Variants in PVT1 observed in about 807,000 individuals in gnomAD.
PVT1 encodes Pvt1 oncogene.
chr8:127,901,464 A>T (rs1455850633), intron 3 of PVT1, among the ~76,000 whole-genome samples: 1 of 152,206 alleles, frequency 6.6e-6, no homozygotes, highest in Non-Finnish European at 1.5e-5. Context: ...CCAGAAGGAC[A>T]CTTCAGGGCA....
chr8:127,893,244 G>A (rs570418140), intron 3 of PVT1, among the ~76,000 whole-genome samples: 1 of 152,242 alleles, frequency 6.6e-6, no homozygotes, highest in East Asian at 1.9e-4. Flanking sequence ...CCATTATGAT[G>A]ATTATCTGTT....
At chr8:128,015,091 A>ATTAT (rs1554604352) in intron 4 of PVT1, among the ~76,000 whole-genome samples, 23 of 139,212 alleles carry the variant, frequency 1.7e-4, no homozygotes, top group African/African-American at 3.9e-4. Context: ...TTATTTATTT[A>ATTAT]TTATTTATTT....
intron 4 of PVT1, among the ~76,000 whole-genome samples, chr8:127,990,660 T>G (rs1817022109): frequency 6.6e-6 from 1 of 152,234 alleles, no homozygotes. Flanking sequence ...GAACTGTACT[T>G]CTGTTGTGCT....
At chr8:127,912,833 A>T (rs1563637340) in intron 3 of PVT1, among the ~76,000 whole-genome samples, 1 of 152,056 alleles carries the variant, frequency 6.6e-6, no homozygotes, top group Non-Finnish European at 1.5e-5. Flanking sequence ...AGTAGCTGGG[A>T]TTACAGACAC....
chr8:127,899,023 T>C (rs909366458), intron 3 of PVT1, among the ~76,000 whole-genome samples: 1 of 151,962 alleles, frequency 6.6e-6, no homozygotes, highest in African/African-American at 2.4e-5. Flanking sequence ...TGGGACTGGG[T>C]TCAGTGGGAG....
At chr8:128,048,019 C>G (rs1382360805) in intron 4 of PVT1, among the ~76,000 whole-genome samples, 1 of 152,216 alleles carries the variant, frequency 6.6e-6, no homozygotes. Flanking sequence ...GCCTAGAACA[C>G]TGTGTGGAGT....
intron 3 of PVT1, among the ~76,000 whole-genome samples, chr8:127,986,156 C>T (rs945535847): frequency 4.6e-5 from 7 of 152,206 alleles, no homozygotes; most frequent in Admixed American, 2.6e-4. Context: ...GAAGACAATA[C>T]GGCCCTGCCT....
At chr8:127,861,165 A>G (rs1164099026) in intron 2 of PVT1, among the ~76,000 whole-genome samples, 1 of 151,362 alleles carries the variant, frequency 6.6e-6, no homozygotes, top group Non-Finnish European at 1.5e-5. Flanking sequence ...CCACCCAGCC[A>G]CCCTTTCATC....
intron 3 of PVT1, among the ~76,000 whole-genome samples, chr8:127,962,201 G>A (rs1263553895): frequency 2.0e-5 from 3 of 151,684 alleles, no homozygotes; most frequent in East Asian, 1.9e-4. Flanking sequence ...TCTTGATCTC[G>A]TGATCCACCT....
chr8:127,844,842 T>A (rs1418139932), intron 2 of PVT1, among the ~76,000 whole-genome samples: 1 of 152,014 alleles, frequency 6.6e-6, no homozygotes, highest in African/African-American at 2.4e-5. Flanking sequence ...GCCTCCCGAG[T>A]AGCTGGAACT....
chr8:127,956,645 C>T (rs1220296423), intron 3 of PVT1, among the ~76,000 whole-genome samples: 3 of 152,210 alleles, frequency 2.0e-5, no homozygotes, highest in Non-Finnish European at 4.4e-5. Context: ...CCACCACGCC[C>T]AGCTAACTTT....
intron 2 of PVT1, among the ~76,000 whole-genome samples, chr8:127,805,337 T>C (rs1353652289): frequency 6.6e-6 from 1 of 152,128 alleles, no homozygotes. Context: ...CCTGTTTATA[T>C]AGATTATGTT....
chr8:127,836,837 C>G (rs1483120900), intron 2 of PVT1, among the ~76,000 whole-genome samples: 1 of 152,150 alleles, frequency 6.6e-6, no homozygotes, highest in African/African-American at 2.4e-5. Flanking sequence ...AGAGTCCACA[C>G]GCTTGGCGCC....
At chr8:128,020,647 G>C (rs931398294) in intron 4 of PVT1, among the ~76,000 whole-genome samples, 7 of 152,222 alleles carry the variant, frequency 4.6e-5, no homozygotes, top group Non-Finnish European at 7.3e-5. Flanking sequence ...CTGTCACCTT[G>C]AATTCAGCTT....
intron 4 of PVT1, among the ~76,000 whole-genome samples, chr8:127,995,927 T>C (rs191324380): frequency 1.1e-4 from 17 of 152,096 alleles, no homozygotes; most frequent in Non-Finnish European, 8.8e-5. Context: ...AACTTAAGGC[T>C]AATGTTTAGA....
At chr8:128,060,985 C>T (rs1295138642) in intron 4 of PVT1, among the ~76,000 whole-genome samples, 1 of 150,138 alleles carries the variant, frequency 6.7e-6, no homozygotes, top group Admixed American at 6.7e-5. Context: ...TCTCGGCTCA[C>T]TGCAACCTCC....
intron 3 of PVT1, among the ~76,000 whole-genome samples, chr8:127,957,622 G>A (rs1298159022): frequency 2.0e-5 from 3 of 151,818 alleles, no homozygotes; most frequent in Non-Finnish European, 2.9e-5. Context: ...TGCAGGCCAT[G>A]GGGGACATGG....
chr8:128,085,545 T>G (rs1814245666), intron 5 of PVT1, among the ~76,000 whole-genome samples: 1 of 152,204 alleles, frequency 6.6e-6, no homozygotes, highest in Non-Finnish European at 1.5e-5. Context: ...TTAAGAGTGA[T>G]AACATATATT....
At chr8:127,939,103 C>A (rs1816312744) in intron 3 of PVT1, among the ~76,000 whole-genome samples, 1 of 152,194 alleles carries the variant, frequency 6.6e-6, no homozygotes, top group Admixed American at 6.5e-5. Context: ...TTCTCTAGGC[C>A]AAGGCTTTGC....
Sources: gnomAD v4.1 joint callset for allele counts (sites outside exome capture counted in the v4.1 genomes callset) on GRCh38, gnomAD v4.1.1 for gene constraint, MANE v1.5 for transcripts, NCBI Gene and HGNC (gene_info 2026-07-23, HGNC 2026-07-21) for gene names.